SAMMSON: variants seen among roughly 807,000 people sequenced by gnomAD.
SAMMSON encodes survival associated mitochondrial melanoma specific oncogenic non-coding RNA, also known as long intergenic non-protein coding RNA 1212.
At chr3:70,216,168 A>T (rs1701409872) in intron 4 of SAMMSON, among the ~76,000 whole-genome samples, 1 of 151,280 alleles carries the variant, frequency 6.6e-6, no homozygotes, top group Admixed American at 6.6e-5. Flanking sequence ...ATTTATATTT[A>T]TGCTTTATAT....
At chr3:70,132,249 T>C (rs1452098489) in intron 4 of SAMMSON, among the ~76,000 whole-genome samples, 1 of 152,166 alleles carries the variant, frequency 6.6e-6, no homozygotes, top group Non-Finnish European at 1.5e-5. Context: ...TTCTTCCTGA[T>C]AAAAGACCGT....
rs150817846 is a variant in SAMMSON at position 70,420,636 on chromosome 3, AT to A, written n.234-41920del. 4.9e-3 allele frequency among the ~76,000 whole-genome samples: 752 copies of A among 152,244 alleles called. 7 individuals are homozygous for A. The highest frequency in any genetic ancestry group is 0.017 in the African/African-American group (724 of 41,546). On this transcript the variant is annotated intron_variant and non_coding_transcript_variant, in intron 2 of 3. Transcript: ENST00000641053. ...TGTAGTTAACTTGCTTGGGCTTTTT[AT>A]TTTGATGGGATTATTATTCCTGCTT...
At chr3:70,351,109 C>T (rs932899259) in intron 7 of SAMMSON, among the ~76,000 whole-genome samples, 1 of 151,988 alleles carries the variant, frequency 6.6e-6, no homozygotes, top group Non-Finnish European at 1.5e-5. Context: ...AAAATCATAT[C>T]ATTGAGACAG....
chr3:70,346,190 T>C (rs1702749074), intron 7 of SAMMSON, among the ~76,000 whole-genome samples: 1 of 152,162 alleles, frequency 6.6e-6, no homozygotes, highest in African/African-American at 2.4e-5. Context: ...AGGTATGGCA[T>C]TTCTTATTGT....
At chr3:70,234,288 T>C (rs1701588157) in intron 4 of SAMMSON, among the ~76,000 whole-genome samples, 1 of 152,214 alleles carries the variant, frequency 6.6e-6, no homozygotes, top group African/African-American at 2.4e-5. Context: ...CTCATGTTTA[T>C]TGAACATCTA....
intron 9 of SAMMSON, among the ~76,000 whole-genome samples, chr3:70,360,085 A>G (rs528378862): frequency 6.6e-6 from 1 of 152,278 alleles, no homozygotes; most frequent in Non-Finnish European, 1.5e-5. Flanking sequence ...TTTATTCACC[A>G]TCTCCTTTTT....
At chr3:70,023,865 T>C (rs2067026074) in intron 3 of SAMMSON, among the ~76,000 whole-genome samples, 1 of 152,236 alleles carries the variant, frequency 6.6e-6, no homozygotes. Flanking sequence ...CAACCTGTTA[T>C]TGAGTCTTAC....
chr3:70,292,580 C>A (rs1365540062), intron 7 of SAMMSON, among the ~76,000 whole-genome samples: 1 of 151,946 alleles, frequency 6.6e-6, no homozygotes, highest in African/African-American at 2.4e-5. Flanking sequence ...ATTTTTTATG[C>A]CAAACTATTT....
intron 4 of SAMMSON, among the ~76,000 whole-genome samples, chr3:70,124,814 C>CAAAA (rs1208323683): frequency 0.018 from 949 of 52,878 alleles, no homozygotes; most frequent in Non-Finnish European, 0.023. Context: ...GACTCCATCT[C>CAAAA]AAAAAAAAAA....
At chr3:70,124,897 C>T (rs1559519172) in intron 4 of SAMMSON, among the ~76,000 whole-genome samples, 1 of 140,970 alleles carries the variant, frequency 7.1e-6, no homozygotes, top group East Asian at 2.1e-4. Context: ...CATTAAAATA[C>T]ATATAATATA....
intron 4 of SAMMSON, among the ~76,000 whole-genome samples, chr3:70,214,607 C>CT (rs11391954): frequency 0.94 from 132,576 of 140,310 alleles, 62,798 homozygotes; most frequent in Non-Finnish European, 0.99. Flanking sequence ...CTGAAGTGGG[C>CT]TTTTTTTTTT....
chr3:70,019,736 A>G (rs147043481), intron 3 of SAMMSON, among the ~76,000 whole-genome samples: 7 of 152,200 alleles, frequency 4.6e-5, no homozygotes, highest in African/African-American at 1.2e-4. Context: ...GTTCCTTTCC[A>G]TGTTTGTGCT....
chr3:70,173,256 T>A (rs1406941840), intron 4 of SAMMSON, among the ~76,000 whole-genome samples: 1 of 151,958 alleles, frequency 6.6e-6, no homozygotes, highest in African/African-American at 2.4e-5. Context: ...TTCAGCAGAC[T>A]ATTTTACCTT....
At chr3:70,259,160 G>T (rs6783968) in intron 6 of SAMMSON, among the ~76,000 whole-genome samples, 126,482 of 152,002 alleles carry the variant, frequency 0.83, 53,030 homozygotes, top group Non-Finnish European at 0.89. Context: ...TTTCATATGT[G>T]GTCCTTTTTC....
intron 9 of SAMMSON, among the ~76,000 whole-genome samples, chr3:70,376,878 C>A (rs1277931370): frequency 6.6e-6 from 1 of 151,928 alleles, no homozygotes; most frequent in Non-Finnish European, 1.5e-5. Context: ...CATTTTATTT[C>A]TTTGTTTTGT....
chr3:70,386,637 A>G (rs1703124781), intron 9 of SAMMSON, among the ~76,000 whole-genome samples: 1 of 152,070 alleles, frequency 6.6e-6, no homozygotes, highest in Non-Finnish European at 1.5e-5. Flanking sequence ...GCCCAATGTA[A>G]TTAGAAAATA....
intron 7 of SAMMSON, among the ~76,000 whole-genome samples, chr3:70,309,125 T>C (rs1358022584): frequency 6.6e-6 from 1 of 152,168 alleles, no homozygotes; most frequent in African/African-American, 2.4e-5. Flanking sequence ...GATTGATAAC[T>C]GTTGTGGAAG....
At chr3:70,296,993 A>G (rs369316699) in intron 7 of SAMMSON, among the ~76,000 whole-genome samples, 44 of 151,782 alleles carry the variant, frequency 2.9e-4, no homozygotes, top group African/African-American at 1.1e-3. Flanking sequence ...ATGCTCCCCA[A>G]CCGCCTCCCC....
intron 3 of SAMMSON, among the ~76,000 whole-genome samples, chr3:70,039,835 C>T (rs1011136760): frequency 1.3e-5 from 2 of 152,086 alleles, no homozygotes; most frequent in Middle Eastern, 3.4e-3. Context: ...TGCCATTCTA[C>T]TTCAGGGAGG....
Sources: allele counts gnomAD v4.1 joint callset (sites outside exome capture counted in the v4.1 genomes callset), GRCh38; gene constraint gnomAD v4.1.1; transcripts MANE v1.5; gene names NCBI Gene and HGNC (gene_info 2026-07-23, HGNC 2026-07-21).